Variants in NHSL1 observed in about 807,000 individuals in gnomAD.
NHSL1 encodes the protein NHS-like protein 1.
In NHSL1, 48 loss-of-function variants were observed where a neutral mutation model predicts 95.0. That is an observed-to-expected ratio of 0.51 (90% CI 0.40 to 0.64). The LOEUF is 0.64. Among genes scored for constraint, NHSL1 ranks in the 30% least tolerant of loss-of-function variants. NHSL1 has a pLI of 0.00. For missense variants in NHSL1, 1,971 were observed against 2,077.7 expected (o/e 0.95, Z 1.00); for synonymous variants, 783 against 833.9 (o/e 0.94, Z 1.05).
chr6:138,499,051 T>C (rs1440041716), intron 1 of NHSL1, among the ~76,000 whole-genome samples, 182 bp downstream of exon 1: 1 of 151,718 alleles, frequency 6.6e-6, no homozygotes, highest in African/African-American at 2.4e-5. Flanking sequence ...TGGTATAGAG[T>C]AGAGTTTAAC....
At chr6:138,552,334 C>T (rs910253907) in intron 1 of NHSL1, among the ~76,000 whole-genome samples, 5 of 152,072 alleles carry the variant, frequency 3.3e-5, no homozygotes, top group African/African-American at 1.2e-4. Context: ...GCAGGGGAAT[C>T]GCTTGAACCC....
intron 1 of NHSL1, among the ~76,000 whole-genome samples, chr6:138,682,802 G>A (rs1272331845): frequency 6.6e-6 from 1 of 152,164 alleles, no homozygotes; most frequent in Non-Finnish European, 1.5e-5. Flanking sequence ...GAATCTCCAG[G>A]GGCGGGGCCA....
rs180882924 is a variant in NHSL1, at chr6:138,525,059, C to T, written c.16+20564G>A. Among the ~76,000 whole-genome samples, 32 of 152,186 alleles carry T rather than the reference C, an allele frequency of 2.1e-4. No individual in the cohort carries two copies. The East Asian group carries it at 6.2e-3, about 29-fold the overall frequency. ...ATGGAGACAGAGCAGCTTTGGCCCA[C>T]CATGGACATTTCTAGTCCTCACCTT... On this transcript the variant is annotated intron_variant, in intron 1 of 4. Coordinates refer to the NHSL1 transcript ENST00000342260.
At chr6:138,437,359 C>CATAT in intron 5 of NHSL1, among the ~76,000 whole-genome samples, 1 of 20,980 alleles carries the variant, frequency 4.8e-5, no homozygotes, top group Non-Finnish European at 1.0e-4. Flanking sequence ...TATATATACA[C>CATAT]ATATATATAT....
In NHSL1 at chr6:138,569,270, T is replaced by TGTGA. The variant is rs1554253158; in HGVS notation, c.202+2439_202+2440insTCAC. ...ATGTGTGTGTGTGTGTGTGTGTGTG[T>TGTGA]GAGAGAGAGAGAGAGAAAGAGAGCG... On this transcript the variant is annotated intron_variant, in intron 1 of 6. Transcript: ENST00000427025. 2.2e-3 allele frequency among the ~76,000 whole-genome samples: 333 copies of TGTGA among 149,676 alleles called. 4 individuals carry two copies. The highest frequency in any genetic ancestry group is 5.1e-3 in the African/African-American group (209 of 40,652).
intron 1 of NHSL1, among the ~76,000 whole-genome samples, chr6:138,517,830 A>C (rs1446346538): frequency 6.6e-6 from 1 of 152,230 alleles, no homozygotes; most frequent in Admixed American, 6.5e-5. Flanking sequence ...AGAGCAGGTC[A>C]GTGCTGCTGG....
chr6:138,636,428 A>G (rs1196435793), intron 1 of NHSL1, among the ~76,000 whole-genome samples: 1 of 151,536 alleles, frequency 6.6e-6, no homozygotes, highest in African/African-American at 2.4e-5. Context: ...AAATCAGACA[A>G]GAGAAAGAAA....
chr6:138,649,225 G>A (rs79664097), intron 1 of NHSL1, among the ~76,000 whole-genome samples: 26,248 of 151,846 alleles, frequency 0.17, 2,358 homozygotes, highest in Non-Finnish European at 0.2. Flanking sequence ...GCCTGGGAGG[G>A]TGTCAGCTCT....
intron 1 of NHSL1, among the ~76,000 whole-genome samples, chr6:138,611,632 G>A (rs1562391258): frequency 6.6e-6 from 1 of 152,148 alleles, no homozygotes; most frequent in Non-Finnish European, 1.5e-5. Flanking sequence ...TGTAGTCCCA[G>A]CCACTCGGGA....
At chr6:138,615,757 C>A (rs1325941571) in intron 1 of NHSL1, among the ~76,000 whole-genome samples, 1 of 152,260 alleles carries the variant, frequency 6.6e-6, no homozygotes, top group Non-Finnish European at 1.5e-5. Context: ...AGGCGTGAGC[C>A]ACAGCACCTG....
intron 1 of NHSL1, among the ~76,000 whole-genome samples, chr6:138,581,543 T>C (rs543354062): frequency 2.0e-5 from 3 of 151,752 alleles, no homozygotes; most frequent in African/African-American, 7.3e-5. Flanking sequence ...AATACAAAAA[T>C]TAGCCGGGCA....
chr6:138,573,151 G>C (rs924116261), upstream of NHSL1, among the ~76,000 whole-genome samples: 13 of 152,296 alleles, frequency 8.5e-5, no homozygotes, highest in Admixed American at 7.8e-4. Context: ...AGAGTCATCA[G>C]AGAGCTACGC....
At chr6:138,448,621 T>C (rs552143034) in intron 3 of NHSL1, among the ~76,000 whole-genome samples, 4 of 152,346 alleles carry the variant, frequency 2.6e-5, no homozygotes, top group African/African-American at 9.6e-5. Flanking sequence ...CTGTCTGTTC[T>C]CTTTTGTGAC....
rs1387688608 is a variant in NHSL1 at position 138,453,524 on chromosome 6, TATTTATTTTTC to T, written c.340-6342_340-6332del. Among the ~76,000 whole-genome samples the T allele has an allele frequency of 2.0e-5, 3 of 151,670 alleles. No homozygotes were observed. The East Asian group carries it at 5.8e-4, about 29-fold the overall frequency. On this transcript the variant is annotated intron_variant, in intron 3 of 7. Coordinates refer to ENST00000343505, the MANE Select transcript of NHSL1 (RefSeq NM_001144060.2). ...TGTGCATCAGCGTCCCTGGCTAATT[TATTTATTTTTC>T]ATTTATTTTTATTGTATTATTATTT...
chr6:138,512,036 G>A (rs1217965461), intron 1 of NHSL1, among the ~76,000 whole-genome samples: 1 of 152,194 alleles, frequency 6.6e-6, no homozygotes, highest in East Asian at 1.9e-4. Context: ...CACCTCATCT[G>A]AAACACCTAT....
At chr6:138,625,069 A>T (rs1784717792) in intron 1 of NHSL1, among the ~76,000 whole-genome samples, 1 of 152,188 alleles carries the variant, frequency 6.6e-6, no homozygotes, top group Non-Finnish European at 1.5e-5. Context: ...AATACGGTGG[A>T]TATTAATTTA....
chr6:138,628,060 C>T (rs1262394913), intron 1 of NHSL1, among the ~76,000 whole-genome samples: 5 of 151,936 alleles, frequency 3.3e-5, no homozygotes, highest in Non-Finnish European at 7.4e-5. Context: ...TGCCTATAAT[C>T]CCAGCACTTT....
At chr6:138,606,705 T>TC (rs1291458279) in intron 1 of NHSL1, among the ~76,000 whole-genome samples, 6 of 146,778 alleles carry the variant, frequency 4.1e-5, no homozygotes, top group East Asian at 2.0e-4. Flanking sequence ...TTTCTTTCTT[T>TC]TTTTTTTTTT....
chr6:138,617,719 G>A (rs974660678), intron 1 of NHSL1, among the ~76,000 whole-genome samples: 1 of 152,248 alleles, frequency 6.6e-6, no homozygotes, highest in African/African-American at 2.4e-5. Flanking sequence ...GAGCTTCTGA[G>A]AAGGTCAAGA....
Sources: gnomAD v4.1 joint callset for allele counts (sites outside exome capture counted in the v4.1 genomes callset) on GRCh38, gnomAD v4.1.1 for gene constraint, MANE v1.5 for transcripts, NCBI Gene and HGNC (gene_info 2026-07-23, HGNC 2026-07-21) for gene names.